SLC16A12: variants seen among roughly 807,000 people sequenced by gnomAD.
SLC16A12 encodes monocarboxylate transporter 12.
Under a neutral mutation model 42.4 loss-of-function variants are expected in SLC16A12, and 17 were observed. That is an observed-to-expected ratio of 0.40 (90% CI 0.27 to 0.60). The LOEUF is 0.60. Ranked by LOEUF, SLC16A12 falls within the 20% of genes least tolerant of loss-of-function variation. SLC16A12 has a pLI of 0.42. For missense variants in SLC16A12, 544 were observed against 623.0 expected, an observed-to-expected ratio of 0.87 and a Z score of 1.35; for synonymous variants, 224 against 229.4, an observed-to-expected ratio of 0.98 and a Z score of 0.21.
chr10:89,473,457 A>C (rs1214457609), intron 2 of SLC16A12, among the ~76,000 whole-genome samples: 1 of 152,222 alleles, frequency 6.6e-6, no homozygotes, highest in Non-Finnish European at 1.5e-5. Flanking sequence ...CAACTTATGG[A>C]AGAAAACAGA....
chr10:89,433,266 A>G lies in SLC16A12; in HGVS notation c.1349T>C (p.Met450Thr). The change falls in exon 8 of 8, where the codon ATG (methionine) becomes ACG (threonine). Residue 450 changes from methionine to threonine, a missense_variant. By Grantham distance (81) the Met-to-Thr change is moderately conservative. Coordinates refer to ENST00000371790, the MANE Select transcript of SLC16A12 (RefSeq NM_213606.4). The stretch of plus-strand genomic sequence containing the variant: ...GCCAAGCAACACAGAACTAAATATC[A>G]TTGAAAATCCACAGAGGAGGAATGC... ...TAAFLLCGFSMIFSSVLLGFA... is the reference protein window; with the variant it reads ...TAAFLLCGFSTIFSSVLLGFA... 1 of 1,614,110 alleles carries G rather than the reference A, an allele frequency of 6.2e-7. No individual in the cohort carries two copies.
intron 2 of SLC16A12, among the ~76,000 whole-genome samples, chr10:89,515,040 C>T (rs529257252): frequency 3.3e-5 from 5 of 151,672 alleles, no homozygotes; most frequent in South Asian, 2.1e-4. Flanking sequence ...CACAGTGAGC[C>T]GAGATTTCAC....
intron 2 of SLC16A12, among the ~76,000 whole-genome samples, chr10:89,500,575 A>AG (rs1842979611): frequency 6.6e-6 from 1 of 152,198 alleles, no homozygotes; most frequent in African/African-American, 2.4e-5. Context: ...ATGAAAAAAA[A>AG]GCATTCGACA....
At chr10:89,498,811 T>G (rs1589708108) in intron 2 of SLC16A12, among the ~76,000 whole-genome samples, 1 of 152,140 alleles carries the variant, frequency 6.6e-6, no homozygotes, top group African/African-American at 2.4e-5. Flanking sequence ...TAGGCCTCTG[T>G]GCAGACAACC....
intron 2 of SLC16A12, among the ~76,000 whole-genome samples, chr10:89,494,251 G>A (rs56398433): frequency 0.058 from 8,866 of 152,244 alleles, 369 homozygotes; most frequent in Non-Finnish European, 0.089. Context: ...CATACACACT[G>A]TTGACAGCAG....
chr10:89,448,526 T>C (rs917531543), intron 3 of SLC16A12, among the ~76,000 whole-genome samples: 2 of 152,148 alleles, frequency 1.3e-5, no homozygotes, highest in African/African-American at 2.4e-5. Context: ...TCTCAATAGA[T>C]GTAGAAAAGG....
In SLC16A12 at chr10:89,443,846, A is replaced by T; in HGVS notation, c.214T>A (p.Phe72Ile). The T allele has an allele frequency of 6.2e-7, 1 of 1,609,656 alleles. No homozygotes were observed. Among genetic ancestry groups the T allele is most frequent in the Non-Finnish European group, 8.5e-7 (1 of 1,175,890 alleles). ...TRAVTRCISI[F>I]FVEFQTYFTQ... ...AAGTATGTCTGGAACTCCACAAAAA[A>T]AATTGAGATACATCTGAAAAATACA... Residue 72 changes from phenylalanine (F) to isoleucine (I), a missense_variant, in exon 4 of 8, where the codon TTT becomes ATT. Phe to Ile is a conservative substitution (Grantham distance 21). Coordinates refer to ENST00000371790, the MANE Select transcript of SLC16A12 (RefSeq NM_213606.4).
chr10:89,468,317 C>G (rs74400573), intron 2 of SLC16A12, among the ~76,000 whole-genome samples: 1 of 152,138 alleles, frequency 6.6e-6, no homozygotes, highest in Non-Finnish European at 1.5e-5. Context: ...TAAGCGCACT[C>G]GATCCTCACC....
At chr10:89,544,158 C>G (rs528753499) in intron 2 of SLC16A12, among the ~76,000 whole-genome samples, 2 of 152,276 alleles carry the variant, frequency 1.3e-5, no homozygotes, top group South Asian at 4.1e-4. Flanking sequence ...CCATTATGGC[C>G]CCACACCTAA....
intron 2 of SLC16A12, among the ~76,000 whole-genome samples, chr10:89,553,874 T>C (rs1843785936): frequency 6.6e-6 from 1 of 151,600 alleles, no homozygotes; most frequent in African/African-American, 2.4e-5. Flanking sequence ...CAGGTGCCTG[T>C]AATCGCAGCT....
At chr10:89,549,399 A>G (rs1174044869) in intron 2 of SLC16A12, among the ~76,000 whole-genome samples, 1 of 152,246 alleles carries the variant, frequency 6.6e-6, no homozygotes, top group Non-Finnish European at 1.5e-5. Context: ...ACACATTCAT[A>G]TTAATTAGCT....
At chr10:89,535,777 G>A (rs1444145519), upstream of SLC16A12, among the ~76,000 whole-genome samples, 1 of 152,032 alleles carries the variant, frequency 6.6e-6, no homozygotes, top group Non-Finnish European at 1.5e-5. Flanking sequence ...GCCCCTTCCC[G>A]GGCCCCAGGC....
chr10:89,454,551 C>T (rs1161497436), intron 3 of SLC16A12, among the ~76,000 whole-genome samples: 4 of 151,998 alleles, frequency 2.6e-5, no homozygotes, highest in Admixed American at 6.6e-5. Flanking sequence ...CTCCTTTCTG[C>T]GCATCTGTTG....
intron 2 of SLC16A12, among the ~76,000 whole-genome samples, chr10:89,501,729 C>T (rs796221231): frequency 5.9e-5 from 9 of 151,982 alleles, no homozygotes; most frequent in Non-Finnish European, 7.4e-5. Context: ...CCAGCCCGGG[C>T]GACAGAGCAA....
rs1841901595 is a variant in SLC16A12 at position 89,441,115 on chromosome 10, A to T, written c.441T>A (p.Val147=). 1.2e-6 allele frequency: 2 copies of T among 1,613,918 alleles called. No individual in the cohort carries two copies. The highest frequency in any genetic ancestry group is 4.5e-5 in the East Asian group (2 of 44,884). The change falls in exon 5 of 8, where the codon GTT becomes GTA. Residue 147 remains valine, a synonymous_variant. Transcript: ENST00000371790. ...SLKHLYLTLG[V]LTGLGFALCY... ...GGTACAAAGTGCCCTTACCTGTAAG[A>T]ACTCCCAGAGTGAGGTAGAGATGCT...
intron 2 of SLC16A12, among the ~76,000 whole-genome samples, chr10:89,483,656 C>T (rs533136033): frequency 4.5e-4 from 66 of 146,978 alleles, no homozygotes; most frequent in Admixed American, 2.1e-3. Context: ...AAGTCCATGA[C>T]TTTGAGGCTG....
chr10:89,437,414 C>A (rs988015474), intron 6 of SLC16A12, among the ~76,000 whole-genome samples: 1 of 152,042 alleles, frequency 6.6e-6, no homozygotes, highest in Non-Finnish European at 1.5e-5. Flanking sequence ...GGTCAACAGG[C>A]AAATATTGCA....
chr10:89,458,056 AG>A (rs1207478555), intron 3 of SLC16A12, among the ~76,000 whole-genome samples: 1 of 152,168 alleles, frequency 6.6e-6, no homozygotes, highest in African/African-American at 2.4e-5. Flanking sequence ...TGTAGATAGG[AG>A]CATAACATAG....
At chr10:89,543,980 A>G (rs11185750) in intron 2 of SLC16A12, among the ~76,000 whole-genome samples, 1 of 152,242 alleles carries the variant, frequency 6.6e-6, no homozygotes, top group Non-Finnish European at 1.5e-5. Flanking sequence ...TGTCTCATTT[A>G]CCATTCCCAC....
Sources: allele counts gnomAD v4.1 joint callset (sites outside exome capture counted in the v4.1 genomes callset), GRCh38; gene constraint gnomAD v4.1.1; transcripts MANE v1.5; gene names NCBI Gene and HGNC (gene_info 2026-07-23, HGNC 2026-07-21).